The following GNAZ variants were observed in gnomAD, a reference collection of about 807,000 sequenced individuals.
GNAZ encodes G protein subunit alpha z.
Under a neutral mutation model 25.4 loss-of-function variants are expected in GNAZ, and 3 were observed. The observed-to-expected ratio is 0.12, with a 90% CI of 0.05 to 0.30. The LOEUF is 0.30. GNAZ is among the 10% of genes least tolerant of loss of function. The pLI, the probability that GNAZ is intolerant of heterozygous loss-of-function variation, is 1.00. For missense variants in GNAZ, 241 were observed against 501.8 expected (o/e 0.48, Z 4.97); for synonymous variants, 211 against 205.7 (o/e 1.03, Z -0.22).
In GNAZ at chr22:23,096,082, A is replaced by T. The variant is rs780812299; in HGVS notation, c.387A>T (p.Arg129=). 1 of 1,609,126 alleles carries T rather than the reference A, an allele frequency of 6.2e-7. No homozygotes were observed. Among genetic ancestry groups the T allele is most frequent in the Non-Finnish European group, 8.5e-7 (1 of 1,179,974 alleles). The change falls in exon 2 of 3, where the codon CGA becomes CGT. Residue 129 remains arginine (R), a synonymous_variant. Transcript: ENST00000615612. ...CACCCGAGCTGCTGGGTGTCATGCG[A>T]CGGCTCTGGGCCGACCCAGGGGCAC... is the stretch of plus-strand genomic sequence containing the variant. ...EITPELLGVM[R]RLWADPGAQA...
intron 2 of GNAZ, among the ~76,000 whole-genome samples, chr22:23,121,315 A>G (rs939569617): frequency 2.0e-5 from 3 of 152,190 alleles, no homozygotes; most frequent in Non-Finnish European, 2.9e-5. Flanking sequence ...AATGACGGGT[A>G]CCTCTGGGTA....
At chr22:23,085,140 C>T (rs940627290) in intron 1 of GNAZ, among the ~76,000 whole-genome samples, 3 of 152,176 alleles carry the variant, frequency 2.0e-5, no homozygotes, top group South Asian at 2.1e-4. Context: ...AGGCTAAGCC[C>T]GTCTGCTGCA....
intron 1 of GNAZ, among the ~76,000 whole-genome samples, chr22:23,076,251 A>G (rs1271980335): frequency 6.6e-6 from 1 of 152,010 alleles, no homozygotes; most frequent in African/African-American, 2.4e-5. Context: ...CCTGCTCCCT[A>G]TTTGATTCAT....
intron 2 of GNAZ, among the ~76,000 whole-genome samples, chr22:23,110,089 C>T (rs1479007141): frequency 6.6e-6 from 1 of 152,202 alleles, no homozygotes; most frequent in African/African-American, 2.4e-5. Context: ...TGTCCCCAGA[C>T]ACCTCCCCAT....
chr22:23,106,544 C>T (rs2069483006), intron 2 of GNAZ, among the ~76,000 whole-genome samples: 1 of 152,136 alleles, frequency 6.6e-6, no homozygotes, highest in African/African-American at 2.4e-5. Flanking sequence ...TGAAGACTGG[C>T]CCAGCAGCAC....
chr22:23,118,023 G>A (rs1027733421), intron 2 of GNAZ, among the ~76,000 whole-genome samples: 6 of 152,318 alleles, frequency 3.9e-5, no homozygotes, highest in Admixed American at 6.5e-5. Context: ...CCCCAGACCC[G>A]CAGGCCAGCA....
chr22:23,105,160 C>G (rs9612233), intron 2 of GNAZ, among the ~76,000 whole-genome samples: 119,753 of 152,168 alleles, frequency 0.79, 47,676 homozygotes, highest in East Asian at 0.96. Context: ...AGGCCGGCCA[C>G]GGCCACAGCC....
At chr22:23,106,246 G>C (rs940945586) in intron 2 of GNAZ, among the ~76,000 whole-genome samples, 5 of 152,224 alleles carry the variant, frequency 3.3e-5, no homozygotes. Flanking sequence ...GAGCAAAAAA[G>C]CAAAACAGAG....
At chr22:23,122,041 T>C (rs1241494378) in intron 2 of GNAZ, among the ~76,000 whole-genome samples, 1 of 152,244 alleles carries the variant, frequency 6.6e-6, no homozygotes, top group African/African-American at 2.4e-5. Flanking sequence ...AGAAAAGTTC[T>C]TAAATCCAAA....
intron 2 of GNAZ, among the ~76,000 whole-genome samples, chr22:23,108,143 A>G (rs1055360704): frequency 1.2e-4 from 19 of 152,350 alleles, no homozygotes; most frequent in South Asian, 1.0e-3. Flanking sequence ...GGTGGGGAGC[A>G]GCCAGGCAAT....
At chr22:23,084,485 C>A (rs2068763739) in intron 1 of GNAZ, among the ~76,000 whole-genome samples, 1 of 152,130 alleles carries the variant, frequency 6.6e-6, no homozygotes, top group African/African-American at 2.4e-5. Flanking sequence ...AGGACATAAC[C>A]CCATCCTAAG....
Position 23,096,306 on chromosome 22 carries a change from G to T in GNAZ, c.611G>T (p.Gly204Val). The change falls in exon 2 of 3, where the codon GGG (glycine) becomes GTG (valine). Residue 204 changes from glycine to valine, a missense_variant. By Grantham distance (109) the Gly-to-Val change is moderately radical. Transcript: ENST00000615612. ...ELTFKMVDVGGQRSERKKWIH... is the reference protein window; with the variant it reads ...ELTFKMVDVGVQRSERKKWIH... ...ACCTTCAAGATGGTGGACGTGGGGG[G>T]GCAGAGGTCAGAGCGCAAAAAGTGG... 1 of 1,614,060 alleles carries T rather than the reference G, an allele frequency of 6.2e-7. No individual in the cohort carries two copies. The highest frequency in any genetic ancestry group is 8.5e-7 in the Non-Finnish European group (1 of 1,180,050).
chr22:23,121,111 C>T (rs1183673343), intron 2 of GNAZ, among the ~76,000 whole-genome samples: 1 of 152,186 alleles, frequency 6.6e-6, no homozygotes, highest in Non-Finnish European at 1.5e-5. Context: ...ACTGCGGAGG[C>T]GCTGGCTCCT....
At position 23,074,902 on chromosome 22, in the gene GNAZ, C is replaced by T. The variant is rs550774912; in HGVS notation, c.-450+4332C>T. 2.6e-5 allele frequency among the ~76,000 whole-genome samples: 4 copies of T among 152,194 alleles called. No individual in the cohort carries two copies. The South Asian group carries it at 8.3e-4, about 32-fold the overall frequency. ...AATTATTAAGGGCCTGACATGATGG[C>T]GCACACCTGTAATCCTATACTATGG... On this transcript the variant is annotated intron_variant, in intron 1 of 2. Coordinates refer to ENST00000615612, the MANE Select transcript of GNAZ (RefSeq NM_002073.4).
chr22:23,076,703 C>T (rs1312788712), intron 1 of GNAZ, among the ~76,000 whole-genome samples: 1 of 152,210 alleles, frequency 6.6e-6, no homozygotes, highest in African/African-American at 2.4e-5. Context: ...GAGTGATGAC[C>T]TTCAGAGGCA....
rs2069823822 is a variant in GNAZ, at chr22:23,116,043, AAAC to A, written c.724-7038_724-7036del. 3.3e-5 allele frequency among the ~76,000 whole-genome samples: 5 copies of A among 152,370 alleles called. No homozygotes were observed. In the South Asian group the frequency reaches 1.0e-3, roughly 32 times the overall value. ...CCTGAGGCCGCTGGGGTCCCACAGC[AAAC>A]AACAAAACAGTCAAACAGGTGCCAG... is the stretch of plus-strand genomic sequence containing the variant. On this transcript the variant is annotated intron_variant, in intron 2 of 2. Coordinates refer to ENST00000615612, the MANE Select transcript of GNAZ (RefSeq NM_002073.4).
chr22:23,081,413 C>A (rs1446497065), intron 1 of GNAZ, among the ~76,000 whole-genome samples: 1 of 152,170 alleles, frequency 6.6e-6, no homozygotes, highest in African/African-American at 2.4e-5. Flanking sequence ...TTTCTTAGGT[C>A]TTCCTGCTTT....
chr22:23,093,710 G>A (rs1299888931), intron 1 of GNAZ, among the ~76,000 whole-genome samples: 1 of 152,214 alleles, frequency 6.6e-6, no homozygotes, highest in African/African-American at 2.4e-5. Flanking sequence ...CACACAACCT[G>A]GGAGAGGCAA....
At chr22:23,077,865 C>G (rs1242864646) in intron 1 of GNAZ, among the ~76,000 whole-genome samples, 1 of 152,206 alleles carries the variant, frequency 6.6e-6, no homozygotes, top group Non-Finnish European at 1.5e-5. Context: ...CTGGTGGTAC[C>G]TCACCCCTAC....
Sources: gnomAD v4.1 joint callset for allele counts (sites outside exome capture counted in the v4.1 genomes callset) on GRCh38, gnomAD v4.1.1 for gene constraint, MANE v1.5 for transcripts, NCBI Gene and HGNC (gene_info 2026-07-23, HGNC 2026-07-21) for gene names.